The following DPP10 variants were observed in gnomAD, a reference collection of about 807,000 sequenced individuals.
The protein encoded by DPP10 is inactive dipeptidyl peptidase 10.
A neutral mutation model predicts 120.9 loss-of-function variants in DPP10; 33 were observed. The observed-to-expected ratio is 0.27, with a 90% confidence interval of 0.21 to 0.37. DPP10 has a LOEUF of 0.37. Among genes scored for constraint, DPP10 ranks in the 10% least tolerant of loss-of-function variants. The pLI, the probability that DPP10 is intolerant of heterozygous loss-of-function variation, is 1.00. For synonymous variants in DPP10, 337 were observed against 326.1 expected, an observed-to-expected ratio of 1.03 and a Z score of -0.36; for missense variants, 816 against 942.8, an observed-to-expected ratio of 0.87 and a Z score of 1.76.
intron 1 of DPP10, among the ~76,000 whole-genome samples, chr2:114,841,869 G>C (rs1023338711): frequency 6.6e-6 from 1 of 151,994 alleles, no homozygotes; most frequent in African/African-American, 2.4e-5. Context: ...GAGACACCCG[G>C]CACTCATGCT....
intron 1 of DPP10, among the ~76,000 whole-genome samples, chr2:114,465,280 T>C (rs1049405922): frequency 6.6e-6 from 1 of 152,198 alleles, no homozygotes; most frequent in Non-Finnish European, 1.5e-5. Flanking sequence ...CCTGACGGAG[T>C]GTAGCACTCA....
chr2:114,621,694 T>A (rs1573812434), intron 1 of DPP10, among the ~76,000 whole-genome samples: 2 of 151,888 alleles, frequency 1.3e-5, no homozygotes, highest in East Asian at 2.0e-4. Flanking sequence ...CCTCTCTCCT[T>A]GTACCTCTCA....
chr2:115,102,776 A>T (rs2048756880), intron 1 of DPP10, among the ~76,000 whole-genome samples: 1 of 148,566 alleles, frequency 6.7e-6, no homozygotes, highest in Admixed American at 6.7e-5. Context: ...GAAAAAAAAA[A>T]CTCCTTTTTG....
chr2:115,286,990 G>C (rs1185768194), intron 1 of DPP10, among the ~76,000 whole-genome samples: 1 of 151,966 alleles, frequency 6.6e-6, no homozygotes, highest in African/African-American at 2.4e-5. Flanking sequence ...ATTCAAGAAT[G>C]TACTGAAATA....
intron 1 of DPP10, among the ~76,000 whole-genome samples, chr2:114,925,304 A>G (rs76387145): frequency 0.012 from 1,784 of 152,150 alleles, 42 homozygotes; most frequent in African/African-American, 0.039. Flanking sequence ...AGCTGCAGGT[A>G]ATGATGATGC....
intron 1 of DPP10, among the ~76,000 whole-genome samples, chr2:115,042,252 T>C (rs1704708688): frequency 6.6e-6 from 1 of 152,058 alleles, no homozygotes; most frequent in African/African-American, 2.4e-5. Context: ...CTCATAAATA[T>C]CTAGTGTCAT....
chr2:114,974,610 T>C (rs900400464), intron 1 of DPP10, among the ~76,000 whole-genome samples: 7 of 152,006 alleles, frequency 4.6e-5, no homozygotes, highest in African/African-American at 1.7e-4. Flanking sequence ...GGTTTCCCTA[T>C]GTTGGCCAGG....
At chr2:114,886,917 C>T (rs943015150) in intron 1 of DPP10, among the ~76,000 whole-genome samples, 3 of 152,166 alleles carry the variant, frequency 2.0e-5, no homozygotes, top group South Asian at 2.1e-4. Flanking sequence ...CCTGCCTTCC[C>T]ACTCCACCCC....
intron 1 of DPP10, among the ~76,000 whole-genome samples, chr2:114,967,475 A>C (rs1332828448): frequency 6.6e-6 from 1 of 152,130 alleles, no homozygotes; most frequent in African/African-American, 2.4e-5. Context: ...ACTGGCATAG[A>C]GGGTTGGGCT....
intron 3 of DPP10, among the ~76,000 whole-genome samples, chr2:115,387,179 C>T (rs2067003148): frequency 1.3e-5 from 2 of 152,066 alleles, no homozygotes; most frequent in South Asian, 4.1e-4. Flanking sequence ...ACCCCTTCAC[C>T]TGTGTTTTTC....
At chr2:115,628,099 G>A (rs1195083664) in intron 5 of DPP10, among the ~76,000 whole-genome samples, 2 of 151,976 alleles carry the variant, frequency 1.3e-5, no homozygotes, top group Non-Finnish European at 1.5e-5. Flanking sequence ...TTGCCATGCT[G>A]TCTTCCACAG....
chr2:114,800,528 G>A (rs998490055), intron 1 of DPP10, among the ~76,000 whole-genome samples: 2 of 152,146 alleles, frequency 1.3e-5, no homozygotes, highest in African/African-American at 4.8e-5. Flanking sequence ...AGTCTTACAA[G>A]GAAGACATTC....
chr2:114,500,643 G>C (rs4849338), intron 1 of DPP10, among the ~76,000 whole-genome samples: 41,101 of 151,956 alleles, frequency 0.27, 6,390 homozygotes, highest in East Asian at 0.37. Flanking sequence ...GTAAGATATT[G>C]ATTGGCCTCC....
At chr2:115,728,796 T>C (rs1053629184) in intron 8 of DPP10, among the ~76,000 whole-genome samples, 9 of 152,198 alleles carry the variant, frequency 5.9e-5, no homozygotes, top group African/African-American at 2.2e-4. Flanking sequence ...AATGATATCA[T>C]TGAAGGCCTA....
intron 1 of DPP10, among the ~76,000 whole-genome samples, chr2:115,022,758 A>G (rs547893992): frequency 6.6e-6 from 1 of 152,276 alleles, no homozygotes; most frequent in East Asian, 1.9e-4. Flanking sequence ...CTATACTATA[A>G]GGCCATAGTC....
chr2:115,069,763 A>G (rs1010133712), intron 1 of DPP10, among the ~76,000 whole-genome samples: 1 of 150,574 alleles, frequency 6.6e-6, no homozygotes, highest in Admixed American at 6.6e-5. Context: ...ATGTTACTTA[A>G]CCTCTCTGAG....
chr2:115,002,743 A>C (rs1356667387), intron 1 of DPP10, among the ~76,000 whole-genome samples: 1 of 152,210 alleles, frequency 6.6e-6, no homozygotes, highest in Non-Finnish European at 1.5e-5. Context: ...TCATGTGGCC[A>C]ACAGGAATAT....
chr2:115,326,901 A>T (rs959951105), intron 2 of DPP10, among the ~76,000 whole-genome samples: 4 of 151,908 alleles, frequency 2.6e-5, no homozygotes, highest in Admixed American at 2.6e-4. Context: ...AAGAAAGAAA[A>T]TTTTTTAATG....
At chr2:114,750,762 G>A (rs539370083) in intron 1 of DPP10, among the ~76,000 whole-genome samples, 1 of 36,974 alleles carries the variant, frequency 2.7e-5, no homozygotes, top group Admixed American at 3.8e-4. Flanking sequence ...AGGAATAGGA[G>A]TTACATTATT....
Sources: gnomAD v4.1 joint callset for allele counts (sites outside exome capture counted in the v4.1 genomes callset) on GRCh38, gnomAD v4.1.1 for gene constraint, MANE v1.5 for transcripts, NCBI Gene and HGNC (gene_info 2026-07-23, HGNC 2026-07-21) for gene names.